The following MCTP1 variants were observed in gnomAD, a reference collection of about 807,000 sequenced individuals.
The protein encoded by MCTP1 is multiple C2 and transmembrane domain containing 1.
Under a neutral mutation model 120.6 loss-of-function variants are expected in MCTP1, and 69 were observed. That is an observed-to-expected ratio of 0.57 (90% CI 0.47 to 0.70). The LOEUF (loss-of-function observed/expected upper bound fraction) is 0.70, where lower values mean the gene tolerates loss of function less well. Ranked by LOEUF, MCTP1 falls within the 30% of genes least tolerant of loss-of-function variation. The probability of loss-of-function intolerance (pLI) is 0.00; values close to 1 mark genes in which losing one functional copy is unlikely to be tolerated. For synonymous variants in MCTP1, 529 were observed against 493.1 expected, an observed-to-expected ratio of 1.07 and a Z score of -0.96; for missense variants, 1,203 against 1,248.8, an observed-to-expected ratio of 0.96 and a Z score of 0.55.
intron 1 of MCTP1, among the ~76,000 whole-genome samples, chr5:95,166,630 C>T (rs1432182354): frequency 2.0e-5 from 3 of 147,144 alleles, no homozygotes; most frequent in Non-Finnish European, 3.0e-5. Flanking sequence ...TGCAGTGGCA[C>T]GATCTCGGCT....
intron 19 of MCTP1, among the ~76,000 whole-genome samples, chr5:94,745,084 T>A (rs1766564536): frequency 6.6e-6 from 1 of 152,154 alleles, no homozygotes. Context: ...AGAGTAAGAA[T>A]GTTTCCCAGC....
chr5:95,257,856 T>C (rs1758058467), intron 1 of MCTP1, among the ~76,000 whole-genome samples: 1 of 95,808 alleles, frequency 1.0e-5, no homozygotes, highest in South Asian at 3.2e-4. Flanking sequence ...AAAGGGGCAC[T>C]GGGTCGAAAT....
intron 20 of MCTP1, among the ~76,000 whole-genome samples, chr5:94,713,510 C>T (rs1459588433): frequency 6.6e-6 from 1 of 152,126 alleles, no homozygotes; most frequent in African/African-American, 2.4e-5. Flanking sequence ...TGTCAGGTAT[C>T]AGCACACTGT....
intron 1 of MCTP1, among the ~76,000 whole-genome samples, chr5:95,262,252 G>T (rs968303533): frequency 6.6e-6 from 1 of 152,122 alleles, no homozygotes; most frequent in African/African-American, 2.4e-5. Flanking sequence ...ACAATCCACA[G>T]ACACATTTTT....
chr5:94,840,176 G>GA (rs151066589), intron 17 of MCTP1, among the ~76,000 whole-genome samples: 4,007 of 149,456 alleles, frequency 0.027, 158 homozygotes, highest in African/African-American at 0.088. Context: ...AGTGTAGCTG[G>GA]AAAAAAAAAA....
rs1479801092 is a variant in MCTP1, at chr5:94,705,541, T to TG, written c.*1954dup. ...AAAAAAAAGGAGTGCTGATTATACGTGGGAAAGATTATTTTCTTTTGTATT... is the reference window on the plus strand; with the variant it reads ...AAAAAAAAGGAGTGCTGATTATACGTGGGGAAAGATTATTTTCTTTTGTATT... On this transcript the variant is annotated 3_prime_UTR_variant, in exon 23 of 23. Transcript: ENST00000515393. 6.7e-6 allele frequency: 1 copy of TG among 148,556 alleles called. No individual in the cohort carries two copies. The highest frequency in any genetic ancestry group is 2.0e-4 in the East Asian group (1 of 5,084). 9.2% of individuals were successfully genotyped at this position (148,556 alleles called of 1,614,324 possible).
chr5:95,213,851 A>G (rs981634231), intron 1 of MCTP1, among the ~76,000 whole-genome samples: 2 of 152,280 alleles, frequency 1.3e-5, no homozygotes, highest in Admixed American at 1.3e-4. Flanking sequence ...TACACCTTAT[A>G]CAAAAATTAC....
At chr5:95,233,003 C>T (rs1408222828) in intron 1 of MCTP1, among the ~76,000 whole-genome samples, 2 of 152,096 alleles carry the variant, frequency 1.3e-5, no homozygotes, top group Non-Finnish European at 2.9e-5. Flanking sequence ...ATACAGAAAC[C>T]ACAATTATAG....
intron 1 of MCTP1, among the ~76,000 whole-genome samples, chr5:95,141,159 T>C (rs1470152942): frequency 6.6e-6 from 1 of 152,228 alleles, no homozygotes; most frequent in Non-Finnish European, 1.5e-5. Context: ...TCAGGCTTAT[T>C]AACTAAGAGT....
intron 1 of MCTP1, among the ~76,000 whole-genome samples, chr5:95,276,951 C>CA (rs538755719): frequency 1.3e-5 from 2 of 151,418 alleles, no homozygotes; most frequent in South Asian, 2.1e-4. Flanking sequence ...GACTCGGTCT[C>CA]AAAAAACAAA....
chr5:94,956,921 C>T (rs1822780931), intron 2 of MCTP1, among the ~76,000 whole-genome samples: 1 of 152,106 alleles, frequency 6.6e-6, no homozygotes, highest in African/African-American at 2.4e-5. Flanking sequence ...GAAAACACCA[C>T]AAAGATACTC....
At chr5:95,170,517 G>A (rs1308779158) in intron 1 of MCTP1, among the ~76,000 whole-genome samples, 1 of 152,166 alleles carries the variant, frequency 6.6e-6, no homozygotes, top group East Asian at 1.9e-4. Context: ...GGGTGTTAAA[G>A]TCTCCCATTA....
chr5:95,002,197 G>T (rs1833869447), intron 2 of MCTP1, among the ~76,000 whole-genome samples: 1 of 152,226 alleles, frequency 6.6e-6, no homozygotes, highest in Non-Finnish European at 1.5e-5. Context: ...GAATGTCCAG[G>T]CAGAAGTTTG....
At chr5:94,871,052 C>A in intron 14 of MCTP1, 79 bp from the exon 15 acceptor site, 1 of 1,138,402 alleles carries the variant, frequency 8.8e-7, no homozygotes, top group Non-Finnish European at 1.3e-6. Context: ...TGACCCCCAG[C>A]TGCTGAAACT....
intron 17 of MCTP1, among the ~76,000 whole-genome samples, chr5:94,860,182 C>A (rs963842020): frequency 6.6e-6 from 1 of 151,642 alleles, no homozygotes; most frequent in African/African-American, 2.4e-5. Context: ...ATTATAAATC[C>A]TTTCTCCCTT....
At chr5:94,899,270 G>A (rs1006333846) in intron 10 of MCTP1, among the ~76,000 whole-genome samples, 10 of 152,142 alleles carry the variant, frequency 6.6e-5, no homozygotes, top group Non-Finnish European at 1.0e-4. Flanking sequence ...AGCTCCCTAG[G>A]CTCTCCTGGA....
intron 2 of MCTP1, among the ~76,000 whole-genome samples, chr5:95,001,424 CT>C (rs1833672908): frequency 6.6e-6 from 1 of 152,140 alleles, no homozygotes; most frequent in Non-Finnish European, 1.5e-5. Flanking sequence ...CGCCTGAAGA[CT>C]TGGAGGGCTC....
intron 1 of MCTP1, among the ~76,000 whole-genome samples, chr5:95,109,989 G>A (rs1446297499): frequency 2.0e-5 from 3 of 152,180 alleles, no homozygotes; most frequent in East Asian, 1.9e-4. Flanking sequence ...TAATTAGTGT[G>A]TGGTAGACTG....
chr5:95,059,167 C>T lies in MCTP1; in HGVS notation c.721-41683G>A, dbSNP rs142504117. Among the ~76,000 whole-genome samples, 12 of 151,934 alleles carry T rather than the reference C, an allele frequency of 7.9e-5. No individual in the cohort carries two copies. The East Asian group carries it at 2.3e-3, about 29-fold the overall frequency. Reference sequence around the variant, plus strand: ...ACAATAGCAAAGACACAGAATCAACCTAGGTGCCTATCAATGGTGGATTGG... The same window carrying T: ...ACAATAGCAAAGACACAGAATCAACTTAGGTGCCTATCAATGGTGGATTGG... On this transcript the variant is annotated intron_variant, in intron 1 of 22. Transcript: ENST00000515393.
Sources: gnomAD v4.1 joint callset for allele counts (sites outside exome capture counted in the v4.1 genomes callset) on GRCh38, gnomAD v4.1.1 for gene constraint, MANE v1.5 for transcripts, NCBI Gene and HGNC (gene_info 2026-07-23, HGNC 2026-07-21) for gene names.